Variants in BCAS3 observed in about 807,000 individuals in gnomAD.
BCAS3 encodes BCAS4/BCAS3 fusion.
BCAS3 carries 53 observed loss-of-function variants against 116.1 expected under a neutral mutation model. The ratio of observed to expected loss-of-function variants is 0.46; its 90% CI spans 0.37 to 0.57. The LOEUF is 0.57. BCAS3 is among the 20% of genes least tolerant of loss of function. The pLI, the probability that BCAS3 is intolerant of heterozygous loss-of-function variation, is 0.00. For synonymous variants in BCAS3, 391 were observed against 408.2 expected (o/e 0.96, Z 0.51); for missense variants, 917 against 1,165.4 (o/e 0.79, Z 3.10).
intron 22 of BCAS3, among the ~76,000 whole-genome samples, chr17:61,177,483 G>A (rs1601744404): frequency 6.6e-6 from 1 of 152,182 alleles, no homozygotes; most frequent in East Asian, 1.9e-4. Flanking sequence ...TTTATAATGT[G>A]CTAGAGGATG....
Position 61,285,042 on chromosome 17 carries a change from T to G in BCAS3, c.2426-83285T>G, listed in dbSNP as rs1013067362. Among the ~76,000 whole-genome samples, 1 of 152,216 alleles carries G rather than the reference T, an allele frequency of 6.6e-6. No individual in the cohort carries two copies. The highest frequency in any genetic ancestry group is 1.5e-5 in the Non-Finnish European group (1 of 68,030). The stretch of plus-strand genomic sequence containing the variant: ...GCTTTGCTGCCCTAAATTCCTGTCC[T>G]TGGTCTCTGTTGGGACCATGCCTAC... On this transcript the variant is annotated intron_variant, in intron 22 of 23. Transcript: ENST00000407086. The surrounding 1 kb of genome is among the most constrained non-coding windows in gnomAD (Gnocchi z 5.4).
chr17:60,814,269 TTGTGTGTG>T (rs67077498), intron 7 of BCAS3, among the ~76,000 whole-genome samples: 234 of 134,918 alleles, frequency 1.7e-3, no homozygotes, highest in Middle Eastern at 0.011. Flanking sequence ...TCTTGGTATT[TTGTGTGTG>T]TGTGTGTGTG....
In BCAS3 at chr17:61,261,612, G is replaced by A. The variant is rs2049211776; in HGVS notation, c.2426-106715G>A. 1.3e-5 allele frequency among the ~76,000 whole-genome samples: 2 copies of A among 152,142 alleles called. No individual in the cohort carries two copies. Among genetic ancestry groups the A allele is most frequent in the South Asian group, 4.1e-4 (2 of 4,826 alleles). ...AAAAGCTAAAATGGTAAATCATGTGGTGTTTGATGTGACCATCTCCACGAT... is the reference window on the plus strand; with the variant it reads ...AAAAGCTAAAATGGTAAATCATGTGATGTTTGATGTGACCATCTCCACGAT... On this transcript the variant is annotated intron_variant, in intron 22 of 23. Coordinates refer to ENST00000407086, the MANE Select transcript of BCAS3 (RefSeq NM_017679.5). The surrounding 1 kb of genome is among the most constrained non-coding windows in gnomAD (Gnocchi z 4.4).
rs544371101 is a variant in BCAS3, at chr17:61,106,176, C to G, written c.2425+21612C>G. On this transcript the variant is annotated intron_variant, in intron 22 of 23. Transcript: ENST00000407086. The surrounding 1 kb of genome is among the most constrained non-coding windows in gnomAD (Gnocchi z 4.2). ...CAGTTATTGTTGTTAATCTTTGTGC[C>G]TAACTTATAAATTAAACTGTATCAT... 2.0e-4 allele frequency among the ~76,000 whole-genome samples: 30 copies of G among 152,186 alleles called. No individual in the cohort carries two copies. The highest frequency in any genetic ancestry group is 7.2e-4 in the African/African-American group (30 of 41,516).
rs115947141 is a variant in BCAS3, at chr17:61,326,747, T to C, written c.2426-41580T>C. On this transcript the variant is annotated intron_variant, in intron 22 of 23. Transcript: ENST00000407086. This position sits in a 1 kb window ranked among gnomAD's most constrained non-coding sequence, Gnocchi z 5.3. The stretch of plus-strand genomic sequence containing the variant: ...AGGCTTGGATACATTACATTTCCAG[T>C]GGATTTGAAGATGTTAAATCTACAG... Among the ~76,000 whole-genome samples, 340 of 152,246 alleles carry C rather than the reference T, an allele frequency of 2.2e-3. 6 individuals carry two copies. Among genetic ancestry groups the C allele is most frequent in the African/African-American group, 8.0e-3 (332 of 41,558 alleles).
chr17:61,138,164 A>T (rs567615033), intron 22 of BCAS3, among the ~76,000 whole-genome samples: 2 of 152,316 alleles, frequency 1.3e-5, no homozygotes, highest in South Asian at 4.1e-4. Context: ...GTGGCTGCTG[A>T]GTGCTGGGAA....
At chr17:61,168,199 A>G (rs918702316) in intron 22 of BCAS3, among the ~76,000 whole-genome samples, 8 of 151,956 alleles carry the variant, frequency 5.3e-5, no homozygotes, top group Non-Finnish European at 7.4e-5. Flanking sequence ...CTCTAACTCT[A>G]GACTTTTTTT....
intron 22 of BCAS3, among the ~76,000 whole-genome samples, chr17:61,157,870 G>T (rs913454243): frequency 1.3e-5 from 2 of 152,024 alleles, no homozygotes; most frequent in Non-Finnish European, 2.9e-5. Context: ...TTTTAATTTT[G>T]CCATTTCCTA....
rs964963120 is a variant in BCAS3, at chr17:61,134,654, ATAGC to A, written c.2425+50095_2425+50098del. The stretch of plus-strand genomic sequence containing the variant: ...ATTGTAATGACATTTCAAGTTAATG[ATAGC>A]TAGCATTGATGGAGCCTGTACTATA... On this transcript the variant is annotated intron_variant, in intron 22 of 23. Transcript: ENST00000407086. The surrounding 1 kb of genome is among the most constrained non-coding windows in gnomAD (Gnocchi z 4.6). 1.3e-5 allele frequency among the ~76,000 whole-genome samples: 2 copies of A among 152,368 alleles called. No individual in the cohort carries two copies. Among genetic ancestry groups the A allele is most frequent in the Non-Finnish European group, 2.9e-5 (2 of 68,042 alleles).
intron 8 of BCAS3, among the ~76,000 whole-genome samples, chr17:60,874,033 T>C (rs1210935921): frequency 2.6e-5 from 4 of 151,876 alleles, no homozygotes; most frequent in Admixed American, 2.0e-4. Flanking sequence ...TGTAGACTTA[T>C]TCGATTCAAA....
At chr17:61,270,474 C>T (rs2050147478) in intron 22 of BCAS3, among the ~76,000 whole-genome samples, 1 of 151,826 alleles carries the variant, frequency 6.6e-6, no homozygotes, top group African/African-American at 2.4e-5. Context: ...GTAGTAGGTG[C>T]TCTTTATACA....
Position 60,902,814 on chromosome 17 carries a change from A to G in BCAS3, c.822+111A>G, listed in dbSNP as rs569303072. ...TGATTGTAGTGCTTGTACTTATCCA[A>G]TTTTAAAGATTTTAAGTCTGTTAAC... On this transcript the variant is annotated intron_variant, in intron 11 of 23. Transcript: ENST00000407086. 71 of 807,848 alleles carry G rather than the reference A, an allele frequency of 8.8e-5. 1 individual carries two copies. Among genetic ancestry groups the G allele is most frequent in the Middle Eastern group, 3.4e-4 (1 of 2,930 alleles). The allele number at this position is 807,848 out of a possible 1,614,324, so 50.0% of individuals were successfully genotyped here.
chr17:61,142,019 T>C (rs1455688495), intron 22 of BCAS3, among the ~76,000 whole-genome samples: 1 of 152,144 alleles, frequency 6.6e-6, no homozygotes, highest in Non-Finnish European at 1.5e-5. Context: ...TCCACTCTCA[T>C]TTTCTCCTTT....
rs1265075208 is a variant in BCAS3 at position 61,042,128 on chromosome 17, AT to A, written c.2029+1242del. 6.6e-5 allele frequency among the ~76,000 whole-genome samples: 10 copies of A among 152,140 alleles called. No homozygotes were observed. The East Asian group carries it at 1.9e-3, about 29-fold the overall frequency. ...GCATATAGAAGTTGTTAGTTTCTAG[AT>A]TTTTTAAGCATATATTTAACTATCA... On this transcript the variant is annotated intron_variant, in intron 19 of 23. Coordinates refer to ENST00000407086, the MANE Select transcript of BCAS3 (RefSeq NM_017679.5).
intron 6 of BCAS3, chr17:60,748,977 A>G (rs1241393609): frequency 6.6e-6 from 1 of 152,228 alleles, no homozygotes; most frequent in East Asian, 1.9e-4. Flanking sequence ...AAGGGGGGAA[A>G]AAGTAGAACA....
At chr17:60,773,183 T>TTA (rs2044903799) in intron 6 of BCAS3, among the ~76,000 whole-genome samples, 1 of 152,158 alleles carries the variant, frequency 6.6e-6, no homozygotes, top group Non-Finnish European at 1.5e-5. Context: ...ATCTTGTTGT[T>TTA]TAAACTTGCA....
intron 5 of BCAS3, among the ~76,000 whole-genome samples, chr17:60,729,532 A>T (rs1253046415): frequency 6.6e-6 from 1 of 151,834 alleles, no homozygotes; most frequent in East Asian, 1.9e-4. Flanking sequence ...GTCAGTCATT[A>T]AAAAAAATCA....
chr17:60,759,076 C>T (rs901651642), intron 6 of BCAS3, among the ~76,000 whole-genome samples: 2 of 151,562 alleles, frequency 1.3e-5, no homozygotes, highest in African/African-American at 4.8e-5. Flanking sequence ...CGGGTTCTAT[C>T]GATTCTCCTG....
chr17:61,316,079 TG>T lies in BCAS3; in HGVS notation c.2426-52246del, dbSNP rs2054708482. Among the ~76,000 whole-genome samples the T allele has an allele frequency of 6.6e-6, 1 of 152,038 alleles. No homozygotes were observed. The highest frequency in any genetic ancestry group is 6.6e-5 in the Admixed American group (1 of 15,266). ...CAGCATTTTGGGAAGTCGAGGCAGG[TG>T]GATCACCTGAGGTCAGGAGTTCGAA... On this transcript the variant is annotated intron_variant, in intron 22 of 23. Transcript: ENST00000407086. This position sits in a 1 kb window ranked among gnomAD's most constrained non-coding sequence, Gnocchi z 5.8.
Sources: gnomAD v4.1 joint callset for allele counts (sites outside exome capture counted in the v4.1 genomes callset) on GRCh38, gnomAD v4.1.1 for gene constraint, Gnocchi (gnomAD v3.1) non-coding constraint, MANE v1.5 for transcripts, NCBI Gene and HGNC (gene_info 2026-07-23, HGNC 2026-07-21) for gene names.